PRKD3: variants seen among roughly 807,000 people sequenced by gnomAD.
PRKD3 encodes protein kinase D3.
Under a neutral mutation model 99.2 loss-of-function variants are expected in PRKD3, and 47 were observed. The observed-to-expected ratio is 0.47, with a 90% CI of 0.38 to 0.60. The LOEUF (loss-of-function observed/expected upper bound fraction) is 0.60, where lower values mean the gene tolerates loss of function less well. PRKD3 is among the 20% of genes least tolerant of loss of function. The probability of loss-of-function intolerance (pLI) is 0.00; values close to 1 mark genes in which losing one functional copy is unlikely to be tolerated. For missense variants in PRKD3, 1,019 were observed against 1,088.4 expected, an observed-to-expected ratio of 0.94 and a Z score of 0.90; for synonymous variants, 392 against 355.4, an observed-to-expected ratio of 1.10 and a Z score of -1.16.
chr2:37,279,783 C>G lies in PRKD3; in HGVS notation c.1135G>C (p.Asp379His). The G allele has an allele frequency of 6.2e-7, 1 of 1,613,550 alleles. No homozygotes were observed. Among genetic ancestry groups the G allele is most frequent in the Non-Finnish European group, 8.5e-7 (1 of 1,179,846 alleles). The change falls in exon 8 of 19, where the codon GAT becomes CAT. Residue 379 changes from aspartate to histidine, a missense_variant. Asp to His is a moderately conservative substitution (Grantham distance 81). Around this residue, in one of 3 missense-constraint regions of PRKD3, gnomAD observed 710 missense variants for 692.7 expected, o/e 1.02. Transcript: ENST00000234179. ...KMFFLDPSDL[D>H]VERDEEAVKT... is the part of the protein sequence containing the mutation. ...ACGGCTTCTTCATCTCTTTCCACAT[C>G]GAGATCAGATGGATCCAAGAAGAAC...
intron 1 of PRKD3, among the ~76,000 whole-genome samples, chr2:37,320,007 A>C (rs1671812671): frequency 6.6e-6 from 1 of 152,238 alleles, no homozygotes; most frequent in Non-Finnish European, 1.5e-5. Context: ...GCTAACAGTA[A>C]GTGCTCAGTA....
At chr2:37,274,310 T>C (rs748975772) in intron 11 of PRKD3, 111 bp downstream of exon 11, 7 of 1,272,074 alleles carry the variant, frequency 5.5e-6, no homozygotes, top group African/African-American at 3.0e-5. Flanking sequence ...TATTGGTTAC[T>C]AAAGACTAAG....
At chr2:37,269,133 T>C (rs2300885) in intron 13 of PRKD3, 22,921 of 168,146 alleles carry the variant, frequency 0.14, 1,770 homozygotes, top group South Asian at 0.26. Flanking sequence ...CATTAAACAG[T>C]TGAAGATGCT....
intron 2 of PRKD3, among the ~76,000 whole-genome samples, chr2:37,308,417 T>A (rs1671258669): frequency 6.6e-6 from 1 of 152,132 alleles, no homozygotes; most frequent in South Asian, 2.1e-4. Flanking sequence ...TCACTGAAAT[T>A]TACCTTGGTG....
At chr2:37,284,675 T>C (rs1278338571) in intron 6 of PRKD3, among the ~76,000 whole-genome samples, 1 of 152,238 alleles carries the variant, frequency 6.6e-6, no homozygotes, top group Non-Finnish European at 1.5e-5. Flanking sequence ...TAAAATTTCA[T>C]CATGTTATAA....
At chr2:37,253,433 T>A (rs748015501) in intron 18 of PRKD3, 83 bp from the exon 19 acceptor site, 45 of 1,176,250 alleles carry the variant, frequency 3.8e-5, no homozygotes, top group Non-Finnish European at 5.3e-5. Context: ...TTTTTTTTGT[T>A]GTTGTTTAGT....
At chr2:37,305,401 A>G (rs1257533458) in intron 2 of PRKD3, among the ~76,000 whole-genome samples, 1 of 152,254 alleles carries the variant, frequency 6.6e-6, no homozygotes, top group African/African-American at 2.4e-5. Flanking sequence ...ATTATAACTT[A>G]AAATGAATTG....
At chr2:37,293,420 G>A (rs527930487) in intron 2 of PRKD3, 149 bp from the exon 3 acceptor site, 8 of 672,900 alleles carry the variant, frequency 1.2e-5, no homozygotes, top group Non-Finnish European at 1.7e-5. Context: ...GGTGATCCAC[G>A]TACTCAAGCA....
intron 2 of PRKD3, among the ~76,000 whole-genome samples, chr2:37,304,370 A>G (rs1311128081): frequency 6.6e-6 from 1 of 152,200 alleles, no homozygotes; most frequent in African/African-American, 2.4e-5. Flanking sequence ...AGCTGAGTCA[A>G]TTAGAAAATG....
chr2:37,266,837 A>G (rs2148516013), intron 14 of PRKD3, among the ~76,000 whole-genome samples: 1 of 152,316 alleles, frequency 6.6e-6, no homozygotes, highest in East Asian at 1.9e-4. Context: ...TGCAAAAACT[A>G]TATAACGTAC....
At chr2:37,323,866 T>C (rs568760310) in intron 1 of PRKD3, among the ~76,000 whole-genome samples, 24 of 152,266 alleles carry the variant, frequency 1.6e-4, no homozygotes, top group African/African-American at 4.3e-4. Flanking sequence ...ATGGGTGTGA[T>C]TGAAGACACA....
At chr2:37,284,072 TAC>T (rs1669979920) in intron 6 of PRKD3, among the ~76,000 whole-genome samples, 1 of 152,210 alleles carries the variant, frequency 6.6e-6, no homozygotes, top group Non-Finnish European at 1.5e-5. Context: ...TTGAAGTTTT[TAC>T]ACATCAAAAT....
At chr2:37,290,681 A>C (rs956359242) in intron 4 of PRKD3, among the ~76,000 whole-genome samples, 187 bp downstream of exon 4, 2 of 152,240 alleles carry the variant, frequency 1.3e-5, no homozygotes, top group Non-Finnish European at 2.9e-5. Context: ...TAATCTTAAG[A>C]GGTTTAGTAA....
chr2:37,321,489 T>A (rs1261480287), intron 1 of PRKD3, among the ~76,000 whole-genome samples: 1 of 152,178 alleles, frequency 6.6e-6, no homozygotes, highest in Non-Finnish European at 1.5e-5. Flanking sequence ...CCTTCCCCCA[T>A]GCACACATTA....
rs1667756635 is a variant in PRKD3 at position 37,254,240 on chromosome 2, G to A, written c.2463C>T (p.Tyr821=). 3 of 1,613,342 alleles carry A rather than the reference G, an allele frequency of 1.9e-6. No individual in the cohort carries two copies. The South Asian group carries it at 3.3e-5, about 18-fold the overall frequency. Residue 821 remains tyrosine, a synonymous_variant, in exon 18 of 19, where the codon TAC becomes TAT. Coordinates refer to ENST00000234179, the MANE Select transcript of PRKD3 (RefSeq NM_005813.6). ...GATGACTAAGAGATTTGTCAACACT[G>A]TAACGTTTTCTCATCTTCACTTGAA... ...NLLQVKMRKR[Y]SVDKSLSHPW...
intron 2 of PRKD3, among the ~76,000 whole-genome samples, chr2:37,301,725 T>C (rs12478312): frequency 6.6e-6 from 1 of 152,228 alleles, no homozygotes; most frequent in Admixed American, 6.5e-5. Flanking sequence ...GGTGTATATA[T>C]ATCCCTTCTA....
intron 1 of PRKD3, among the ~76,000 whole-genome samples, chr2:37,322,681 A>G (rs1264716153): frequency 6.6e-6 from 1 of 152,052 alleles, no homozygotes; most frequent in African/African-American, 2.4e-5. Context: ...AAATGGAAAA[A>G]TTTTTTTTCC....
chr2:37,313,016 T>C (rs1450575438), intron 2 of PRKD3, among the ~76,000 whole-genome samples: 1 of 152,190 alleles, frequency 6.6e-6, no homozygotes, highest in African/African-American at 2.4e-5. Context: ...AATAGAAATA[T>C]ACTGTTCTAA....
At chr2:37,259,484 G>T in intron 16 of PRKD3, 99 bp downstream of exon 16, 1 of 736,476 alleles carries the variant, frequency 1.4e-6, no homozygotes, top group Non-Finnish European at 2.2e-6. Context: ...AAGGTGGTAT[G>T]CATTTTTAAC....
Sources: gnomAD v4.1 joint callset for allele counts (sites outside exome capture counted in the v4.1 genomes callset) on GRCh38, gnomAD v4.1.1 for gene constraint, gnomAD v4.1.1 regional missense constraint, MANE v1.5 for transcripts, NCBI Gene and HGNC (gene_info 2026-07-23, HGNC 2026-07-21) for gene names.